The following PPP3CA variants were observed in gnomAD, a reference collection of about 807,000 sequenced individuals.
The protein encoded by PPP3CA is protein phosphatase 3 catalytic subunit alpha, also known as CAM-PRP catalytic subunit.
A neutral mutation model predicts 66.5 loss-of-function variants in PPP3CA; 14 were observed. That is an observed-to-expected ratio of 0.21 (90% CI 0.14 to 0.33). The LOEUF is 0.33. Ranked by LOEUF, PPP3CA falls within the 10% of genes least tolerant of loss-of-function variation. The pLI is 1.00. For synonymous variants in PPP3CA, 232 were observed against 226.2 expected, an observed-to-expected ratio of 1.03 and a Z score of -0.23; for missense variants, 317 against 639.5, an observed-to-expected ratio of 0.50 and a Z score of 5.44.
At chr4:101,310,857 C>A (rs1728699612) in intron 1 of PPP3CA, among the ~76,000 whole-genome samples, 1 of 152,130 alleles carries the variant, frequency 6.6e-6, no homozygotes, top group African/African-American at 2.4e-5. Flanking sequence ...CTTGGCAATT[C>A]ACCTAAATGA....
intron 1 of PPP3CA, among the ~76,000 whole-genome samples, chr4:101,312,452 G>A (rs997425096): frequency 6.6e-6 from 1 of 151,388 alleles, no homozygotes; most frequent in African/African-American, 2.4e-5. Flanking sequence ...GAATTCACTG[G>A]GAGAAGAGTT....
At chr4:101,337,976 G>A (rs945623692) in intron 1 of PPP3CA, among the ~76,000 whole-genome samples, 5 of 152,116 alleles carry the variant, frequency 3.3e-5, no homozygotes, top group African/African-American at 1.2e-4. Flanking sequence ...ATCACCTATC[G>A]GGGTGTACAG....
chr4:101,275,408 G>A (rs1173222849), intron 1 of PPP3CA, among the ~76,000 whole-genome samples: 4 of 152,036 alleles, frequency 2.6e-5, no homozygotes, highest in East Asian at 1.9e-4. Flanking sequence ...CTTCTTTCAC[G>A]TCAAATCCTT....
chr4:101,102,695 A>T (rs940796667), intron 3 of PPP3CA, among the ~76,000 whole-genome samples: 36 of 152,172 alleles, frequency 2.4e-4, no homozygotes, highest in African/African-American at 8.0e-4. Context: ...ATAGTTTTTT[A>T]AAAAAGGGAA....
At chr4:101,082,853 T>C (rs1322305739) in intron 7 of PPP3CA, among the ~76,000 whole-genome samples, 1 of 152,194 alleles carries the variant, frequency 6.6e-6, no homozygotes, top group Non-Finnish European at 1.5e-5. Context: ...GACTGAAAAG[T>C]AGCTGGTAAT....
intron 8 of PPP3CA, among the ~76,000 whole-genome samples, chr4:101,063,985 A>G (rs72929311): frequency 0.19 from 28,476 of 151,808 alleles, 2,880 homozygotes; most frequent in Middle Eastern, 0.31. Context: ...GGAACATTCA[A>G]TATTCTCCTT....
intron 1 of PPP3CA, among the ~76,000 whole-genome samples, chr4:101,337,011 C>T (rs903392641): frequency 1.3e-5 from 2 of 152,140 alleles, no homozygotes; most frequent in African/African-American, 2.4e-5. Flanking sequence ...GGGTTCTGAG[C>T]CAGACAGAAA....
At chr4:101,080,438 T>C in intron 8 of PPP3CA, 94 bp downstream of exon 8, 1 of 555,964 alleles carries the variant, frequency 1.8e-6, no homozygotes. Context: ...AAAAAAAGAC[T>C]GGTTAAAATA....
chr4:101,141,187 T>C (rs1033452788), intron 2 of PPP3CA, among the ~76,000 whole-genome samples: 1 of 151,976 alleles, frequency 6.6e-6, no homozygotes. Flanking sequence ...CTGACCAAAA[T>C]GGTGAAACCC....
chr4:101,292,765 G>A (rs571415281), intron 1 of PPP3CA, among the ~76,000 whole-genome samples: 7 of 152,304 alleles, frequency 4.6e-5, no homozygotes, highest in South Asian at 4.1e-4. Flanking sequence ...ACAAGGGGTT[G>A]GGTGGATATA....
At chr4:101,116,538 G>C (rs72929338) in intron 2 of PPP3CA, among the ~76,000 whole-genome samples, 2,205 of 151,866 alleles carry the variant, frequency 0.015, 49 homozygotes, top group African/African-American at 0.05. Context: ...GCTTCCTCCT[G>C]TTGATAATCC....
At chr4:101,097,644 T>C (rs1452147839) in intron 5 of PPP3CA, among the ~76,000 whole-genome samples, 5 of 152,148 alleles carry the variant, frequency 3.3e-5, no homozygotes, top group South Asian at 2.1e-4. Context: ...TTTTACATCA[T>C]TGCAATCAGA....
intron 12 of PPP3CA, 21 bp downstream of exon 12, chr4:101,032,246 C>T: frequency 1.3e-6 from 2 of 1,566,596 alleles, no homozygotes; most frequent in African/African-American, 1.4e-5. Context: ...AGCACACAGT[C>T]ATACCCATCA....
At chr4:101,087,451 A>C (rs1172666161) in intron 6 of PPP3CA, among the ~76,000 whole-genome samples, 1 of 152,176 alleles carries the variant, frequency 6.6e-6, no homozygotes, top group South Asian at 2.1e-4. Flanking sequence ...CAAACCCCAG[A>C]AACTCCTCAT....
chr4:101,032,125 G>T, intron 12 of PPP3CA, 142 bp downstream of exon 12: 1 of 544,810 alleles, frequency 1.8e-6, no homozygotes, highest in Admixed American at 3.7e-5. Context: ...TGATCAAACT[G>T]ATTGGGGTTT....
intron 2 of PPP3CA, among the ~76,000 whole-genome samples, chr4:101,166,553 T>C (rs1723699560): frequency 6.6e-6 from 1 of 152,158 alleles, no homozygotes; most frequent in Non-Finnish European, 1.5e-5. Context: ...TTTCCTGAAT[T>C]CAATTTCTCA....
intron 2 of PPP3CA, among the ~76,000 whole-genome samples, chr4:101,149,303 C>T (rs1055941685): frequency 2.6e-5 from 4 of 152,092 alleles, no homozygotes; most frequent in African/African-American, 9.7e-5. Flanking sequence ...CATAATTCTC[C>T]TAAGTGTTAG....
Position 101,171,397 on chromosome 4 carries a change from T to A in PPP3CA, c.259+24519A>T, listed in dbSNP as rs189267827. ...AAAGAAGGTTGACAGCTTAGGTAAATACTATGGTTAAAAGAGAACTTGCCT... is the reference window on the plus strand; with the variant it reads ...AAAGAAGGTTGACAGCTTAGGTAAAAACTATGGTTAAAAGAGAACTTGCCT... On this transcript the variant is annotated intron_variant, in intron 2 of 13. Transcript: ENST00000394854. 6.8e-3 allele frequency among the ~76,000 whole-genome samples: 1,011 copies of A among 148,982 alleles called. 2 individuals are homozygous for A. Among genetic ancestry groups the A allele is most frequent in the Non-Finnish European group, 0.011 (710 of 67,330 alleles).
chr4:101,190,995 A>T (rs1190431661), intron 2 of PPP3CA, among the ~76,000 whole-genome samples: 1 of 152,202 alleles, frequency 6.6e-6, no homozygotes, highest in Non-Finnish European at 1.5e-5. Context: ...AGAATAGTGT[A>T]GTATAATAGC....
Sources: gnomAD v4.1 joint callset for allele counts (sites outside exome capture counted in the v4.1 genomes callset) on GRCh38, gnomAD v4.1.1 for gene constraint, MANE v1.5 for transcripts, NCBI Gene and HGNC (gene_info 2026-07-23, HGNC 2026-07-21) for gene names.